The following MAP4K4 variants were observed in gnomAD, a reference collection of about 807,000 sequenced individuals.
MAP4K4 encodes the protein mitogen-activated protein kinase kinase kinase kinase 4.
In MAP4K4, 38 loss-of-function variants were observed where a neutral mutation model predicts 189.6. That is an observed-to-expected ratio of 0.20 (90% CI 0.15 to 0.26). The LOEUF is 0.26. Among genes scored for constraint, MAP4K4 ranks in the 10% least tolerant of loss-of-function variants. The probability of loss-of-function intolerance (pLI) is 1.00; values close to 1 mark genes in which losing one functional copy is unlikely to be tolerated. For synonymous variants in MAP4K4, 610 were observed against 624.3 expected (o/e 0.98, Z 0.34); for missense variants, 1,054 against 1,726.9 (o/e 0.61, Z 6.91).
chr2:101,742,055 T>G (rs967889995), intron 2 of MAP4K4, among the ~76,000 whole-genome samples: 3 of 152,084 alleles, frequency 2.0e-5, no homozygotes, highest in Non-Finnish European at 1.5e-5. Flanking sequence ...AAGAAGCTGT[T>G]GTCAAGAGCA....
At chr2:101,800,761 A>T (rs994510208) in intron 3 of MAP4K4, among the ~76,000 whole-genome samples, 1 of 152,208 alleles carries the variant, frequency 6.6e-6, no homozygotes, top group African/African-American at 2.4e-5. Context: ...CTGAACACTT[A>T]GTCTTAAAAA....
At position 101,871,693 on chromosome 2, in the gene MAP4K4, T is replaced by G. The variant is rs2098029355; in HGVS notation, c.2952+8T>G. ...AAGCTCACTGCTAATGAGGTATGTC[T>G]CGCACCACAGCTGGCTGCTTTCCTG... On this transcript the variant is annotated splice_region_variant and intron_variant, in intron 24 of 32. Coordinates refer to ENST00000324219, the Ensembl canonical transcript of MAP4K4. The G allele has an allele frequency of 3.3e-6, 5 of 1,535,226 alleles. No individual in the cohort carries two copies. The highest frequency in any genetic ancestry group is 4.4e-6 in the Non-Finnish European group (5 of 1,146,068).
At chr2:101,880,670 G>T (rs1224330851) in intron 27 of MAP4K4, among the ~76,000 whole-genome samples, 4 of 151,938 alleles carry the variant, frequency 2.6e-5, no homozygotes. Flanking sequence ...CACCATGCCT[G>T]GCTGATTTTT....
At chr2:101,825,044 A>G (rs1484138092) in intron 4 of MAP4K4, among the ~76,000 whole-genome samples, 2 of 152,210 alleles carry the variant, frequency 1.3e-5, no homozygotes, top group Non-Finnish European at 2.9e-5. Context: ...TCCTGTGCCC[A>G]TGTGCTTCTG....
chr2:101,859,603 A>G lies in MAP4K4; in HGVS notation c.1483-40A>G, dbSNP rs750979525. 12 of 1,428,886 alleles carry G rather than the reference A, an allele frequency of 8.4e-6. No homozygotes were observed. The South Asian group carries it at 1.2e-4, about 15-fold the overall frequency. The allele number at this position is 1,428,886 out of a possible 1,614,324, so 88.5% of individuals were successfully genotyped here. On this transcript the variant is annotated intron_variant, in intron 14 of 32. Coordinates refer to ENST00000324219, the Ensembl canonical transcript of MAP4K4. ...AATCCAGAGAAGAGGCGAGCTCTCCAGTGTCCCATAGATTTAGTGTTATCC... is the reference window on the plus strand; with the variant it reads ...AATCCAGAGAAGAGGCGAGCTCTCCGGTGTCCCATAGATTTAGTGTTATCC...
chr2:101,746,157 T>A (rs868301531), intron 2 of MAP4K4, among the ~76,000 whole-genome samples: 1 of 152,034 alleles, frequency 6.6e-6, no homozygotes, highest in East Asian at 1.9e-4. Flanking sequence ...ACCCAGCTAA[T>A]TTTTACTTTT....
chr2:101,773,980 G>T (rs2082701736), intron 2 of MAP4K4, among the ~76,000 whole-genome samples: 1 of 152,190 alleles, frequency 6.6e-6, no homozygotes. Context: ...CACTTAGGTT[G>T]CTTCCAAATC....
At chr2:101,704,217 C>T (rs530516514) in intron 2 of MAP4K4, among the ~76,000 whole-genome samples, 16 of 152,108 alleles carry the variant, frequency 1.1e-4, no homozygotes, top group Admixed American at 5.9e-4. Flanking sequence ...CACTGAGAGG[C>T]ATGTTCAGGC....
intron 2 of MAP4K4, among the ~76,000 whole-genome samples, chr2:101,774,449 T>A (rs1205410775): frequency 6.6e-6 from 1 of 152,230 alleles, no homozygotes; most frequent in African/African-American, 2.4e-5. Context: ...TCTGTACATA[T>A]TTTGGTTATC....
intron 26 of MAP4K4, among the ~76,000 whole-genome samples, chr2:101,874,919 T>C (rs886474212): frequency 6.6e-6 from 1 of 152,236 alleles, no homozygotes; most frequent in Admixed American, 6.5e-5. Context: ...TCCCTCATTC[T>C]TTCTCACTGT....
chr2:101,815,320 G>A (rs2095652854), intron 3 of MAP4K4, among the ~76,000 whole-genome samples: 1 of 152,162 alleles, frequency 6.6e-6, no homozygotes, highest in African/African-American at 2.4e-5. Flanking sequence ...ATTCCAAGTT[G>A]TTGCTTTTTA....
intron 2 of MAP4K4, among the ~76,000 whole-genome samples, chr2:101,734,064 A>T (rs2059490211): frequency 6.6e-6 from 1 of 152,144 alleles, no homozygotes; most frequent in Admixed American, 6.5e-5. Flanking sequence ...TCTGGTAATA[A>T]TTCTTCATCT....
chr2:101,776,748 A>C (rs1223842369), intron 2 of MAP4K4, among the ~76,000 whole-genome samples: 2 of 152,172 alleles, frequency 1.3e-5, no homozygotes, highest in East Asian at 3.9e-4. Context: ...GGTAATTTGA[A>C]GTGGAAGAAG....
At chr2:101,751,680 T>G (rs1419231866) in intron 2 of MAP4K4, among the ~76,000 whole-genome samples, 1 of 152,180 alleles carries the variant, frequency 6.6e-6, no homozygotes, top group Non-Finnish European at 1.5e-5. Context: ...ACATGACATG[T>G]AAGTTAAGGA....
chr2:101,781,214 C>G (rs1462235324), intron 2 of MAP4K4, among the ~76,000 whole-genome samples: 1 of 152,174 alleles, frequency 6.6e-6, no homozygotes, highest in Admixed American at 6.5e-5. Flanking sequence ...GTTCCTCACA[C>G]TTGATGTTGT....
chr2:101,870,042 C>T, intron 22 of MAP4K4: 1 of 626,392 alleles, frequency 1.6e-6, no homozygotes, highest in Non-Finnish European at 2.7e-6. Flanking sequence ...ATATATGATC[C>T]AGGGGAAATT....
intron 3 of MAP4K4, among the ~76,000 whole-genome samples, chr2:101,816,669 C>A (rs1351600915): frequency 6.6e-6 from 1 of 152,120 alleles, no homozygotes; most frequent in Non-Finnish European, 1.5e-5. Flanking sequence ...TGACTTAAGT[C>A]TGGAAAGAGC....
At chr2:101,746,355 T>C (rs1178751831) in intron 2 of MAP4K4, among the ~76,000 whole-genome samples, 2 of 151,858 alleles carry the variant, frequency 1.3e-5, no homozygotes, top group Non-Finnish European at 2.9e-5. Context: ...TGAATAAACA[T>C]GGTTTTTATT....
At chr2:101,862,399 G>A (rs112556383) in intron 16 of MAP4K4, among the ~76,000 whole-genome samples, 19 of 152,010 alleles carry the variant, frequency 1.2e-4, no homozygotes, top group Non-Finnish European at 2.1e-4. Flanking sequence ...AAGGAAAGAG[G>A]AAAGCAGGAG....
Sources: gnomAD v4.1 joint callset for allele counts (sites outside exome capture counted in the v4.1 genomes callset) on GRCh38, gnomAD v4.1.1 for gene constraint, MANE v1.5 for transcripts, NCBI Gene and HGNC (gene_info 2026-07-23, HGNC 2026-07-21) for gene names.